NMNAT2: variants seen among roughly 807,000 people sequenced by gnomAD.
NMNAT2 encodes nicotinamide nucleotide adenylyltransferase 2.
Under a neutral mutation model 41.6 loss-of-function variants are expected in NMNAT2, and 11 were observed. The ratio of observed to expected loss-of-function variants is 0.26; its 90% CI spans 0.17 to 0.44. The LOEUF (loss-of-function observed/expected upper bound fraction) is 0.44, where lower values mean the gene tolerates loss of function less well. Ranked by LOEUF, NMNAT2 falls within the 20% of genes least tolerant of loss-of-function variation. The pLI, the probability that NMNAT2 is intolerant of heterozygous loss-of-function variation, is 1.00. For missense variants in NMNAT2, 288 were observed against 407.7 expected (o/e 0.71, Z 2.53); for synonymous variants, 148 against 151.2 (o/e 0.98, Z 0.16).
intron 1 of NMNAT2, among the ~76,000 whole-genome samples, chr1:183,311,722 TACAC>T (rs61005402): frequency 0.15 from 21,634 of 143,918 alleles, 1,732 homozygotes; most frequent in East Asian, 0.3. Flanking sequence ...GTCCAGTCCC[TACAC>T]ACACACACAC....
At chr1:183,260,056 C>A (rs1660618961) in intron 10 of NMNAT2, among the ~76,000 whole-genome samples, 1 of 152,208 alleles carries the variant, frequency 6.6e-6, no homozygotes, top group Non-Finnish European at 1.5e-5. Context: ...CCCATTCTTT[C>A]CTTCTTTGGG....
intron 1 of NMNAT2, among the ~76,000 whole-genome samples, chr1:183,312,517 T>C (rs1037754961): frequency 6.6e-6 from 1 of 152,126 alleles, no homozygotes; most frequent in Non-Finnish European, 1.5e-5. Flanking sequence ...GCTCTCTGTA[T>C]ATTTATTTTA....
chr1:183,315,030 G>T (rs745396270), intron 1 of NMNAT2, among the ~76,000 whole-genome samples: 2 of 152,170 alleles, frequency 1.3e-5, no homozygotes, highest in Non-Finnish European at 2.9e-5. Flanking sequence ...GCGAAAGTAC[G>T]TTTCTAACAT....
intron 3 of NMNAT2, chr1:183,290,552 C>T (rs569657689): frequency 7.7e-5 from 17 of 219,616 alleles, no homozygotes; most frequent in Middle Eastern, 1.6e-3. Context: ...ACAATAGTAA[C>T]GAGCTTACAG....
chr1:183,314,820 A>G (rs1662205399), intron 1 of NMNAT2, among the ~76,000 whole-genome samples: 1 of 152,190 alleles, frequency 6.6e-6, no homozygotes. Context: ...TTGAAATTAC[A>G]GTAAGCTATG....
intron 1 of NMNAT2, among the ~76,000 whole-genome samples, chr1:183,315,112 C>T (rs1046559312): frequency 6.6e-6 from 1 of 152,292 alleles, no homozygotes; most frequent in South Asian, 2.1e-4. Flanking sequence ...GATTTTTTCT[C>T]TTGTCATTCT....
chr1:183,297,059 C>T (rs141887851), intron 1 of NMNAT2, among the ~76,000 whole-genome samples: 215 of 151,056 alleles, frequency 1.4e-3, no homozygotes, highest in African/African-American at 5.2e-3. Context: ...CCAAATAGTG[C>T]CTTCTAACTC....
intron 1 of NMNAT2, among the ~76,000 whole-genome samples, chr1:183,302,155 C>T (rs1166026688): frequency 6.6e-6 from 1 of 152,096 alleles, no homozygotes; most frequent in African/African-American, 2.4e-5. Context: ...TTGAGTGTTC[C>T]CTAACAAACA....
intron 1 of NMNAT2, among the ~76,000 whole-genome samples, chr1:183,326,830 A>T (rs978362232): frequency 6.6e-6 from 1 of 152,130 alleles, no homozygotes; most frequent in Non-Finnish European, 1.5e-5. Flanking sequence ...ACATTGGAGG[A>T]AGAATCACCA....
intron 1 of NMNAT2, among the ~76,000 whole-genome samples, chr1:183,338,913 T>TA (rs1271080748): frequency 6.6e-6 from 1 of 152,102 alleles, no homozygotes; most frequent in Middle Eastern, 3.2e-3. Context: ...TGTCTCGGGC[T>TA]ATGAGTTGGC....
intron 1 of NMNAT2, among the ~76,000 whole-genome samples, chr1:183,393,608 C>T (rs913239860): frequency 5.9e-5 from 9 of 152,096 alleles, no homozygotes; most frequent in Non-Finnish European, 8.8e-5. Flanking sequence ...CTGGCTGGAG[C>T]GCAGTGGCAT....
chr1:183,403,987 G>C (rs577243679), intron 1 of NMNAT2, among the ~76,000 whole-genome samples: 11 of 152,214 alleles, frequency 7.2e-5, no homozygotes, highest in Admixed American at 1.3e-4. Context: ...GAAGAAAAAG[G>C]GTCCCTATTT....
At chr1:183,315,230 C>T (rs1662218760) in intron 1 of NMNAT2, among the ~76,000 whole-genome samples, 1 of 152,124 alleles carries the variant, frequency 6.6e-6, no homozygotes, top group African/African-American at 2.4e-5. Flanking sequence ...TGAAATCACT[C>T]GGGGCAGACA....
intron 1 of NMNAT2, among the ~76,000 whole-genome samples, chr1:183,346,476 C>A (rs1362973497): frequency 1.3e-5 from 2 of 152,150 alleles, no homozygotes; most frequent in Non-Finnish European, 2.9e-5. Flanking sequence ...GCACAACAGA[C>A]CATACCAAAA....
intron 1 of NMNAT2, among the ~76,000 whole-genome samples, chr1:183,382,808 C>T (rs768434602): frequency 7.9e-5 from 12 of 152,186 alleles, no homozygotes; most frequent in Middle Eastern, 3.2e-3. Flanking sequence ...CCCTTTAGCT[C>T]TGCAGGGTAC....
intron 1 of NMNAT2, among the ~76,000 whole-genome samples, chr1:183,385,389 A>C (rs1221946829): frequency 6.6e-6 from 1 of 152,210 alleles, no homozygotes; most frequent in East Asian, 1.9e-4. Flanking sequence ...CCAGCTATCT[A>C]ACAATCTAAA....
At chr1:183,339,437 T>G (rs1662748561) in intron 1 of NMNAT2, among the ~76,000 whole-genome samples, 1 of 151,942 alleles carries the variant, frequency 6.6e-6, no homozygotes, top group Non-Finnish European at 1.5e-5. Context: ...GTACCCAGAG[T>G]CAGTGCCTGG....
chr1:183,341,374 G>C (rs1258892045), intron 1 of NMNAT2, among the ~76,000 whole-genome samples: 1 of 151,684 alleles, frequency 6.6e-6, no homozygotes, highest in African/African-American at 2.4e-5. Flanking sequence ...AATAAATGTT[G>C]GTTGTTGTTA....
At chr1:183,386,988 T>C (rs984920748) in intron 1 of NMNAT2, among the ~76,000 whole-genome samples, 2 of 152,036 alleles carry the variant, frequency 1.3e-5, no homozygotes, top group South Asian at 2.1e-4. Flanking sequence ...AAAAATTCAG[T>C]TTAATGACAA....
Sources: gnomAD v4.1 joint callset for allele counts (sites outside exome capture counted in the v4.1 genomes callset) on GRCh38, gnomAD v4.1.1 for gene constraint, MANE v1.5 for transcripts, NCBI Gene and HGNC (gene_info 2026-07-23, HGNC 2026-07-21) for gene names.